The following NRG3 variants were observed in gnomAD, a reference collection of about 807,000 sequenced individuals.
NRG3 encodes neuregulin 3, also known as pro-neuregulin-3, membrane-bound isoform.
Under a neutral mutation model 66.9 loss-of-function variants are expected in NRG3, and 31 were observed. The ratio of observed to expected loss-of-function variants is 0.46; its 90% confidence interval spans 0.35 to 0.63. The LOEUF is 0.63. Among genes scored for constraint, NRG3 ranks in the 20% least tolerant of loss-of-function variants. The pLI is 0.00. For synonymous variants in NRG3, 393 were observed against 359.4 expected (o/e 1.09, Z -1.06); for missense variants, 910 against 878.9 (o/e 1.04, Z -0.45).
Position 82,034,967 on chromosome 10 carries a change from G to A in NRG3, c.823+158804G>A, listed in dbSNP as rs571627925. Among the ~76,000 whole-genome samples, 59 of 152,158 alleles carry A rather than the reference G, an allele frequency of 3.9e-4. No homozygotes were observed. In the South Asian group the frequency reaches 0.011, roughly 28 times the overall value. On this transcript the variant is annotated intron_variant, in intron 1 of 8. Coordinates refer to ENST00000372141, the MANE Select transcript of NRG3 (RefSeq NM_001010848.4). ...GCCTCATTTTGACCTGTGTTCTCTA[G>A]AAACCCAAGAAATTTTCTCTAAAGA...
intron 7 of NRG3, among the ~76,000 whole-genome samples, chr10:82,976,791 G>A (rs1376753222): frequency 6.6e-6 from 1 of 152,030 alleles, no homozygotes; most frequent in African/African-American, 2.4e-5. Flanking sequence ...CTGCTTGGTT[G>A]CCTTCCTTAT....
At chr10:82,169,733 C>A (rs1478687962) in intron 1 of NRG3, among the ~76,000 whole-genome samples, 1 of 151,440 alleles carries the variant, frequency 6.6e-6, no homozygotes, top group Non-Finnish European at 1.5e-5. Context: ...TCTTAATATT[C>A]ATTTATTTTT....
intron 1 of NRG3, among the ~76,000 whole-genome samples, chr10:81,977,870 A>G (rs1324088358): frequency 2.6e-5 from 4 of 152,184 alleles, no homozygotes; most frequent in East Asian, 3.9e-4. Context: ...AGCAAATAGT[A>G]TATCATCTTT....
At chr10:82,205,798 G>T (rs558383248) in intron 1 of NRG3, among the ~76,000 whole-genome samples, 1 of 152,244 alleles carries the variant, frequency 6.6e-6, no homozygotes, top group African/African-American at 2.4e-5. Flanking sequence ...CTTGCTACCT[G>T]CCTGAATCCT....
intron 1 of NRG3, among the ~76,000 whole-genome samples, chr10:82,164,662 G>A (rs1172305276): frequency 1.3e-5 from 2 of 152,138 alleles, no homozygotes; most frequent in Non-Finnish European, 2.9e-5. Context: ...GGAGTCAAGA[G>A]ATGGCAGTAC....
chr10:82,345,688 A>G (rs1463719675), intron 1 of NRG3, among the ~76,000 whole-genome samples: 1 of 151,694 alleles, frequency 6.6e-6, no homozygotes, highest in Admixed American at 6.6e-5. Context: ...GATTCTTCCT[A>G]CCCATGAGCA....
intron 3 of NRG3, among the ~76,000 whole-genome samples, chr10:82,798,361 C>T (rs1423028875): frequency 6.6e-6 from 1 of 152,114 alleles, no homozygotes; most frequent in African/African-American, 2.4e-5. Context: ...AAACTCTGGA[C>T]AGAATCTTAC....
At chr10:82,402,708 T>G (rs1417780335) in intron 2 of NRG3, among the ~76,000 whole-genome samples, 2 of 152,154 alleles carry the variant, frequency 1.3e-5, no homozygotes, top group African/African-American at 2.4e-5. Flanking sequence ...AATAAAACTT[T>G]TAGTTATTAT....
chr10:81,919,649 G>A (rs573258798), intron 1 of NRG3, among the ~76,000 whole-genome samples: 1 of 152,212 alleles, frequency 6.6e-6, no homozygotes, highest in Non-Finnish European at 1.5e-5. Flanking sequence ...ACATGGACAT[G>A]GCAAATGACA....
chr10:82,837,228 C>T (rs2062828716), intron 3 of NRG3, among the ~76,000 whole-genome samples: 1 of 152,096 alleles, frequency 6.6e-6, no homozygotes, highest in East Asian at 1.9e-4. Flanking sequence ...TTTATAGCAG[C>T]ATGATTTATA....
rs958955063 is a variant in NRG3, at chr10:82,635,887, C to T, written c.954-102690C>T. Among the ~76,000 whole-genome samples the T allele has an allele frequency of 2.6e-5, 4 of 151,968 alleles. No individual in the cohort carries two copies. In the South Asian group the frequency reaches 6.2e-4, roughly 24 times the overall value. On this transcript the variant is annotated intron_variant, in intron 2 of 8. Transcript: ENST00000372141. ...GCCCAAGTGAGAGGAAAAAGTAAAA[C>T]GTTTATGAAGTAGGAAGGAGATTGC...
At chr10:82,128,282 C>T (rs2068585672) in intron 1 of NRG3, among the ~76,000 whole-genome samples, 1 of 151,894 alleles carries the variant, frequency 6.6e-6, no homozygotes, top group African/African-American at 2.4e-5. Context: ...TATTTCAGTG[C>T]TATTTCATTT....
At chr10:81,930,678 G>A (rs1400148102) in intron 1 of NRG3, among the ~76,000 whole-genome samples, 2 of 152,128 alleles carry the variant, frequency 1.3e-5, no homozygotes, top group African/African-American at 2.4e-5. Context: ...GTGTCTCCCC[G>A]AGGAAAAGTG....
intron 2 of NRG3, among the ~76,000 whole-genome samples, chr10:82,676,178 G>GA (rs1184213866): frequency 6.6e-6 from 1 of 152,020 alleles, no homozygotes; most frequent in Non-Finnish European, 1.5e-5. Flanking sequence ...GGAATCAACA[G>GA]AAAAAAGTCC....
chr10:82,821,058 T>C (rs1472706186), intron 3 of NRG3, among the ~76,000 whole-genome samples: 1 of 152,220 alleles, frequency 6.6e-6, no homozygotes, highest in African/African-American at 2.4e-5. Flanking sequence ...TACTGTCTTA[T>C]TCAAGCAAGG....
intron 3 of NRG3, among the ~76,000 whole-genome samples, chr10:82,842,070 G>A (rs552950429): frequency 1.3e-5 from 2 of 152,180 alleles, no homozygotes; most frequent in African/African-American, 4.8e-5. Context: ...GGTCAACATG[G>A]CGAAACCCCA....
chr10:82,588,457 C>T (rs2046797251), intron 2 of NRG3, among the ~76,000 whole-genome samples: 2 of 152,120 alleles, frequency 1.3e-5, no homozygotes, highest in South Asian at 4.1e-4. Context: ...GAAGCAGATG[C>T]TGGAGCCATG....
chr10:81,967,168 T>G (rs2059763607), intron 1 of NRG3, among the ~76,000 whole-genome samples: 1 of 151,940 alleles, frequency 6.6e-6, no homozygotes, highest in African/African-American at 2.4e-5. Flanking sequence ...AAATTTTCCT[T>G]TGAATACAAT....
intron 2 of NRG3, among the ~76,000 whole-genome samples, chr10:82,434,819 GTTTGATGT>G (rs1301333950): frequency 6.6e-6 from 1 of 152,046 alleles, no homozygotes; most frequent in Non-Finnish European, 1.5e-5. Flanking sequence ...TGGATAAGTT[GTTTGATGT>G]TCTGCTGGTT....
Sources: allele counts gnomAD v4.1 joint callset (sites outside exome capture counted in the v4.1 genomes callset), GRCh38; gene constraint gnomAD v4.1.1; transcripts MANE v1.5; gene names NCBI Gene and HGNC (gene_info 2026-07-23, HGNC 2026-07-21).